Variants in FPGS observed in about 807,000 individuals in gnomAD.
The protein encoded by FPGS is folylpolyglutamate synthase, mitochondrial.
In FPGS, 53 loss-of-function variants were observed where a neutral mutation model predicts 66.5. That is an observed-to-expected ratio of 0.80 (90% confidence interval 0.64 to 1.00). FPGS has a LOEUF of 1.00. Among genes scored for constraint, FPGS ranks in the 50% least tolerant of loss-of-function variants. The pLI, the probability that FPGS is intolerant of heterozygous loss-of-function variation, is 0.00. For synonymous variants in FPGS, 348 were observed against 350.9 expected (o/e 0.99, Z 0.09); for missense variants, 702 against 807.7 (o/e 0.87, Z 1.59).
chr9:127,813,464 A>G lies in FPGS; in HGVS notation c.1624A>G (p.Lys542Glu), dbSNP rs1284540707. The G allele has an allele frequency of 6.2e-6, 10 of 1,612,626 alleles. No homozygotes were observed. The highest frequency in any genetic ancestry group is 1.7e-5 in the Admixed American group (1 of 59,902). ...DPIFQPPSPP[K>E]GLLTHPVAHS... ...CATCTTCCAGCCACCTAGTCCCCCAAAGGGCCTCCTCACCCACCCTGTGGC... is the reference window on the plus strand; with the variant it reads ...CATCTTCCAGCCACCTAGTCCCCCAGAGGGCCTCCTCACCCACCCTGTGGC... The change falls in exon 15 of 15, where the codon AAG becomes GAG. Residue 542 changes from lysine to glutamate, a missense_variant. Lys to Glu is a moderately conservative substitution (Grantham distance 56). Around this residue, in one of 3 missense-constraint regions of FPGS, gnomAD observed 351 missense variants for 363.7 expected, o/e 0.97. Coordinates refer to ENST00000373247, the MANE Select transcript of FPGS (RefSeq NM_004957.6).
chr9:127,807,607 C>T lies in FPGS; in HGVS notation c.663C>T (p.Val221=), dbSNP rs761754282. The change falls in exon 8 of 15, where the codon GTC becomes GTT. Residue 221 remains valine (V), a synonymous_variant. Transcript: ENST00000373247. This position sits in a 1 kb window ranked among gnomAD's most constrained non-coding sequence, Gnocchi z 5.8. ...GCAGGAAGCCTGTGGTGTGCGGAGT[C>T]TCCTCTCTTGGCATCGACCACACCA... ...NIIRKPVVCG[V]SSLGIDHTSL... is the part of the protein sequence containing the mutation. 1.2e-6 allele frequency: 2 copies of T among 1,612,820 alleles called. No individual in the cohort carries two copies. Among genetic ancestry groups the T allele is most frequent in the Non-Finnish European group, 1.7e-6 (2 of 1,179,558 alleles).
chr9:127,806,595 G>A (rs1829817378), intron 4 of FPGS: 1 of 233,286 alleles, frequency 4.3e-6, no homozygotes, highest in Non-Finnish European at 8.5e-6. Flanking sequence ...CCAGCCCAGG[G>A]CTGCAGCTTG....
chr9:127,802,996 C>A lies in FPGS; in HGVS notation c.72C>A (p.Thr24=). 1.4e-6 allele frequency: 2 copies of A among 1,466,056 alleles called. No individual in the cohort carries two copies. Among genetic ancestry groups the A allele is most frequent in the Non-Finnish European group, 1.8e-6 (2 of 1,117,618 alleles). 90.8% of individuals were successfully genotyped at this position (1,466,056 alleles called of 1,614,324 possible). A position where few individuals can be genotyped will look rare whatever the true frequency, so the allele number is the denominator to read the frequency against. ...LAAASARGIT[T]QVAARRGLSA... ...CGGCGTCTGCGCGCGGCATAACGAC[C>A]CAGGTCGCGGCGCGGCGGGGCTTGA... The change falls in exon 1 of 15, where the codon ACC becomes ACA. Residue 24 remains threonine, a synonymous_variant. Transcript: ENST00000373247.
chr9:127,812,164 G>A (rs545615874), intron 14 of FPGS, among the ~76,000 whole-genome samples: 5 of 152,194 alleles, frequency 3.3e-5, no homozygotes, highest in South Asian at 2.1e-4. Flanking sequence ...TGGAAGGATC[G>A]CTTGAGCCTG....
intron 8 of FPGS, 134 bp from the exon 9 acceptor site, chr9:127,808,100 C>T: frequency 1.5e-6 from 1 of 680,524 alleles, no homozygotes; most frequent in Non-Finnish European, 2.5e-6. Flanking sequence ...AGTGAGACTT[C>T]ATCTCGAAAA....
chr9:127,804,238 G>A (rs776297960), intron 1 of FPGS, 47 bp from the exon 2 acceptor site: 1 of 1,597,486 alleles, frequency 6.3e-7, no homozygotes, highest in Non-Finnish European at 8.5e-7. Flanking sequence ...TGTGCCTGTG[G>A]ACCCTGAGTG....
At chr9:127,806,772 T>G in intron 4 of FPGS, 1 of 588,210 alleles carries the variant, frequency 1.7e-6, no homozygotes, top group Non-Finnish European at 3.0e-6. Context: ...GTGAATAGGG[T>G]GAGCCAGGTG....
downstream of FPGS, chr9:127,814,372 C>CAAGAAGCCATT (rs1830229601): frequency 1.2e-5 from 2 of 161,878 alleles, no homozygotes; most frequent in African/African-American, 4.8e-5. Flanking sequence ...GGAGGCCGGG[C>CAAGAAGCCATT]ACGGTGGCTC....
At chr9:127,810,709 C>T (rs943048593) in intron 13 of FPGS, among the ~76,000 whole-genome samples, 6 of 152,188 alleles carry the variant, frequency 3.9e-5, no homozygotes, top group Admixed American at 3.3e-4. Context: ...GCCCTGTGGC[C>T]ACTGTTCCCC....
rs1829748695 is a variant in FPGS at position 127,804,871 on chromosome 9, A to G, written c.386+171A>G. ...CAGTTAGCACTTACCATATTGGCCC[A>G]TGTTTATGGCAACCTTTAATTTTTT... On this transcript the variant is annotated intron_variant, in intron 4 of 14. Transcript: ENST00000373247. 4 of 637,192 alleles carry G rather than the reference A, an allele frequency of 6.3e-6. No homozygotes were observed. The Admixed American group carries it at 1.2e-4, about 18-fold the overall frequency. 39.5% of individuals were successfully genotyped at this position (637,192 alleles called of 1,614,324 possible).
chr9:127,808,897 A>C lies in FPGS; in HGVS notation c.1060+8A>C, dbSNP rs1454489025. On this transcript the variant is annotated splice_region_variant and intron_variant, in intron 11 of 14. Coordinates refer to ENST00000373247, the MANE Select transcript of FPGS (RefSeq NM_004957.6). ...CATCCCACATGCGGCTCGGTGAGTT[A>C]GACCTTCCTGCCCAGCTGGGACCAC... is the stretch of plus-strand genomic sequence containing the variant. The C allele has an allele frequency of 2.6e-6, 4 of 1,550,534 alleles. No individual in the cohort carries two copies. The highest frequency in any genetic ancestry group is 3.5e-6 in the Non-Finnish European group (4 of 1,146,288).
At chr9:127,805,313 A>G (rs1373076165) in intron 4 of FPGS, among the ~76,000 whole-genome samples, 1 of 151,910 alleles carries the variant, frequency 6.6e-6, no homozygotes, top group Non-Finnish European at 1.5e-5. Context: ...GGCAGCTGAC[A>G]TGGGAGGATC....
At chr9:127,812,651 G>A (rs1421488172) in intron 14 of FPGS, among the ~76,000 whole-genome samples, 2 of 151,992 alleles carry the variant, frequency 1.3e-5, no homozygotes, top group African/African-American at 4.8e-5. Context: ...TTATAGGCGT[G>A]TGCCACCACA....
intron 14 of FPGS, among the ~76,000 whole-genome samples, chr9:127,812,205 C>T (rs947674596): frequency 3.9e-5 from 6 of 152,062 alleles, no homozygotes; most frequent in Non-Finnish European, 4.4e-5. Flanking sequence ...GTCATGAAGT[C>T]GTGATTGCAT....
intron 4 of FPGS, chr9:127,806,647 A>G (rs1417129185): frequency 6.0e-6 from 2 of 331,460 alleles, no homozygotes; most frequent in East Asian, 1.1e-4. Context: ...TGTAAGACAG[A>G]TGACATTGTG....
rs778894175 is a variant in FPGS at position 127,810,104 on chromosome 9, C to T, written c.1285C>T (p.Gln429Ter). 15 of 1,612,848 alleles carry T rather than the reference C, an allele frequency of 9.3e-6. No individual in the cohort carries two copies. Among genetic ancestry groups the T allele is most frequent in the Non-Finnish European group, 5.9e-6 (7 of 1,179,756 alleles). The change falls in exon 13 of 15, where the codon CAG becomes TAG. Residue 429 changes from glutamine (Q) to a stop codon, truncating the protein, a stop_gained and splice_region_variant. Coordinates refer to ENST00000373247, the MANE Select transcript of FPGS (RefSeq NM_004957.6). LOFTEE classifies it high-confidence loss of function. ...RDPAALLKLL[Q>*]PCQFDYAVFC... ...CCCGGCGGCCCTGCTGAAGCTGCTG[C>T]AGGTGAGGGGCCAACTTGGGGGTGG...
Position 127,813,646 on chromosome 9 carries a change from T to A in FPGS, c.*42T>A. The A allele has an allele frequency of 6.7e-7, 1 of 1,496,034 alleles. No homozygotes were observed. The highest frequency in any genetic ancestry group is 8.9e-7 in the Non-Finnish European group (1 of 1,122,682). 92.7% of individuals were successfully genotyped at this position (1,496,034 alleles called of 1,614,324 possible). On this transcript the variant is annotated 3_prime_UTR_variant, in exon 15 of 15. Transcript: ENST00000373247. ...GAGGTGGGAGCTTCCCACACCTGCC[T>A]GCGTTCTCCCCATGAACTTACATAC...
chr9:127,814,200 C>T (rs1419889803), downstream of FPGS: 10 of 970,384 alleles, frequency 1.0e-5, no homozygotes, highest in Admixed American at 6.2e-5. Flanking sequence ...CCTCCCTGTG[C>T]GCCTCAGGTG....
chr9:127,803,404 G>A (rs1829686546), intron 1 of FPGS: 1 of 1,070,052 alleles, frequency 9.3e-7, no homozygotes. Context: ...GGGGAAAGAG[G>A]GTAGGGAAGA....
Sources: gnomAD v4.1 joint callset for allele counts (sites outside exome capture counted in the v4.1 genomes callset) on GRCh38, gnomAD v4.1.1 for gene constraint, gnomAD v4.1.1 regional missense constraint, Gnocchi (gnomAD v3.1) non-coding constraint, MANE v1.5 for transcripts, NCBI Gene and HGNC (gene_info 2026-07-23, HGNC 2026-07-21) for gene names.